SMAD6: variants seen among roughly 807,000 people sequenced by gnomAD.
The protein encoded by SMAD6 is SMAD family member 6, also known as MAD homolog 6.
SMAD6 carries 103 observed loss-of-function variants against 39.4 expected under a neutral mutation model. The observed-to-expected ratio is 2.62, with a 90% CI of 2.23 to 3.08. The LOEUF (loss-of-function observed/expected upper bound fraction) is 3.08, where lower values mean the gene tolerates loss of function less well. Ranked by LOEUF, SMAD6 falls within the 30% of genes most tolerant of loss-of-function variation. The pLI, the probability that SMAD6 is intolerant of heterozygous loss-of-function variation, is 0.00. For missense variants in SMAD6, 1,104 were observed against 742.9 expected (o/e 1.49, Z -5.65); for synonymous variants, 445 against 353.3 (o/e 1.26, Z -2.91).
Position 66,703,205 on chromosome 15 carries a change from C to T in SMAD6, c.-54C>T. 12 of 1,273,306 alleles carry T rather than the reference C, an allele frequency of 9.4e-6. No homozygotes were observed. The highest frequency in any genetic ancestry group is 3.0e-4 in the Middle Eastern group (1 of 3,346). The allele number at this position is 1,273,306 out of a possible 1,614,324, so 78.9% of individuals were successfully genotyped here. A position where few individuals can be genotyped will look rare whatever the true frequency, so the allele number is the denominator to read the frequency against. On this transcript the variant is annotated 5_prime_UTR_variant, in exon 1 of 4. Transcript: ENST00000288840. ...GCCGGCGCCTCGCTGAGGGAACGGA[C>T]CCCCGGTAACCGGAGACCGCCTCCC...
At chr15:66,760,507 G>GATT (rs1252303592) in intron 3 of SMAD6, among the ~76,000 whole-genome samples, 4 of 152,246 alleles carry the variant, frequency 2.6e-5, no homozygotes, top group Middle Eastern at 3.2e-3. Context: ...ACTCGTCAGT[G>GATT]ATTAGTACTT....
intron 3 of SMAD6, among the ~76,000 whole-genome samples, chr15:66,754,475 G>A (rs561188206): frequency 9.2e-5 from 14 of 152,310 alleles, no homozygotes; most frequent in African/African-American, 3.4e-4. Flanking sequence ...GTACCGGGCA[G>A]GAGCTCAGTG....
At chr15:66,752,306 G>A (rs924154927) in intron 3 of SMAD6, among the ~76,000 whole-genome samples, 2 of 152,196 alleles carry the variant, frequency 1.3e-5, no homozygotes, top group Non-Finnish European at 2.9e-5. Context: ...ATCCTCAGGG[G>A]AGAGCCCCGG....
intron 3 of SMAD6, among the ~76,000 whole-genome samples, chr15:66,765,437 A>G (rs1479363827): frequency 6.6e-6 from 1 of 152,090 alleles, no homozygotes; most frequent in Non-Finnish European, 1.5e-5. Flanking sequence ...GTTAGCCAGG[A>G]TGGTCTCTAT....
intron 1 of SMAD6, 100 bp downstream of exon 1, chr15:66,704,175 G>C: frequency 1.0e-6 from 1 of 997,052 alleles, no homozygotes; most frequent in African/African-American, 1.7e-5. Context: ...AGCTGCGGGT[G>C]CTCCCCCGGG....
intron 3 of SMAD6, among the ~76,000 whole-genome samples, chr15:66,737,637 TTC>T (rs1199916262): frequency 6.6e-6 from 1 of 151,972 alleles, no homozygotes; most frequent in Non-Finnish European, 1.5e-5. Context: ...GGCATATAAG[TTC>T]TGTTTGCCTG....
intron 3 of SMAD6, among the ~76,000 whole-genome samples, chr15:66,771,747 T>C (rs980826701): frequency 1.3e-5 from 2 of 152,212 alleles, no homozygotes; most frequent in African/African-American, 4.8e-5. Context: ...AAAAGGATCA[T>C]GAATGAAGCG....
intron 3 of SMAD6, among the ~76,000 whole-genome samples, chr15:66,748,026 T>C (rs530251087): frequency 6.6e-6 from 1 of 152,318 alleles, no homozygotes; most frequent in Admixed American, 6.5e-5. Context: ...CTTCCAATCA[T>C]GAGCCTCCCT....
intron 1 of SMAD6, among the ~76,000 whole-genome samples, chr15:66,708,966 T>C (rs922168841): frequency 2.6e-5 from 4 of 152,250 alleles, no homozygotes; most frequent in Admixed American, 6.5e-5. Flanking sequence ...TCACCTGATA[T>C]TGGTCTGTAA....
chr15:66,709,674 G>A (rs1893189597), intron 1 of SMAD6, among the ~76,000 whole-genome samples: 1 of 152,200 alleles, frequency 6.6e-6, no homozygotes, highest in Non-Finnish European at 1.5e-5. Context: ...AAGTTCATGG[G>A]GGTGGTGGAA....
chr15:66,729,729 G>A (rs1039612649), intron 3 of SMAD6, among the ~76,000 whole-genome samples: 2 of 152,204 alleles, frequency 1.3e-5, no homozygotes, highest in Non-Finnish European at 1.5e-5. Flanking sequence ...TGGGTTTGAG[G>A]TGTTTATAGG....
chr15:66,767,379 G>A (rs371167440), intron 3 of SMAD6, among the ~76,000 whole-genome samples: 105 of 152,256 alleles, frequency 6.9e-4, no homozygotes, highest in African/African-American at 2.5e-3. Context: ...TGGGTCCTGG[G>A]GTCTCTGTGG....
Position 66,702,245 on chromosome 15 carries a change from G to A in SMAD6, c.-1014G>A, listed in dbSNP as rs1164015323. The A allele has an allele frequency of 6.6e-6, 1 of 152,284 alleles. No homozygotes were observed. The highest frequency in any genetic ancestry group is 1.5e-5 in the Non-Finnish European group (1 of 68,090). 9.4% of individuals were successfully genotyped at this position (152,284 alleles called of 1,614,324 possible). On this transcript the variant is annotated 5_prime_UTR_variant, in exon 1 of 4. Transcript: ENST00000288840. Reference sequence around the variant, plus strand: ...AAGTGTCTAGACTGGCATATGATGGGAGGCAGCCAATGACTCCGCGGCGCT... The same window carrying A: ...AAGTGTCTAGACTGGCATATGATGGAAGGCAGCCAATGACTCCGCGGCGCT...
chr15:66,727,495 G>A (rs1893543086), intron 3 of SMAD6, among the ~76,000 whole-genome samples: 1 of 152,222 alleles, frequency 6.6e-6, no homozygotes, highest in Admixed American at 6.5e-5. Context: ...GTTTCACCAG[G>A]CTTAAGCAGG....
Position 66,702,895 on chromosome 15 carries a change from CACA to C in SMAD6, c.-361_-359del, listed in dbSNP as rs1432157044. ...GCGCTTTGTGCTCATGGACCAGCCG[CACA>C]ACTTTTGAAGGCTCGCCGGCCCATG... On this transcript the variant is annotated 5_prime_UTR_variant, in exon 1 of 4. Transcript: ENST00000288840. 5.0e-6 allele frequency: 1 copy of C among 200,560 alleles called. No individual in the cohort carries two copies. The highest frequency in any genetic ancestry group is 1.0e-5 in the Non-Finnish European group (1 of 100,174). 12.4% of individuals were successfully genotyped at this position (200,560 alleles called of 1,614,324 possible). A position where few individuals can be genotyped will look rare whatever the true frequency, so the allele number is the denominator to read the frequency against.
In SMAD6 at chr15:66,781,137, G is replaced by A. The variant is rs1176080464; in HGVS notation, c.1093G>A (p.Gly365Ser). 2.5e-6 allele frequency: 4 copies of A among 1,608,580 alleles called. No individual in the cohort carries two copies. Among genetic ancestry groups the A allele is most frequent in the South Asian group, 1.1e-5 (1 of 91,036 alleles). ...CTTCTACGACCTACCTCAGGGCAGC[G>A]GCTTCTGCCTGGGCCAGCTCAACCT... is the stretch of plus-strand genomic sequence containing the variant. Reference protein sequence around the residue: ...SIFYDLPQGSGFCLGQLNLEQ... With the variant: ...SIFYDLPQGSSFCLGQLNLEQ... The change falls in exon 4 of 4, where the codon GGC (glycine) becomes AGC (serine). Residue 365 changes from glycine (G) to serine (S), a missense_variant. Coordinates refer to ENST00000288840, the MANE Select transcript of SMAD6 (RefSeq NM_005585.5).
intron 3 of SMAD6, among the ~76,000 whole-genome samples, chr15:66,769,241 C>A (rs538621618): frequency 6.6e-6 from 1 of 152,188 alleles, no homozygotes; most frequent in Non-Finnish European, 1.5e-5. Flanking sequence ...AGGGCTGCTG[C>A]TCACAGAGGT....
rs1595805424 is a variant in SMAD6, at chr15:66,781,456, G to A, written c.1412G>A (p.Gly471Asp). 1 of 1,604,356 alleles carries A rather than the reference G, an allele frequency of 6.2e-7. No individual in the cohort carries two copies. The highest frequency in any genetic ancestry group is 1.1e-5 in the South Asian group (1 of 90,876). The change falls in exon 4 of 4, where the codon GGC (glycine) becomes GAC (aspartate). Residue 471 changes from glycine to aspartate, a missense_variant. Gly to Asp is a moderately conservative substitution (Grantham distance 94). Transcript: ENST00000288840. ...AGCGTCCGCATCAGCTTCGCCAAGG[G>A]CTGGGGGCCCTGCTACTCCCGGCAG... Reference protein sequence around the residue: ...PNSVRISFAKGWGPCYSRQFI... With the variant: ...PNSVRISFAKDWGPCYSRQFI...
At chr15:66,773,834 A>T (rs1194115003) in intron 3 of SMAD6, among the ~76,000 whole-genome samples, 2 of 152,118 alleles carry the variant, frequency 1.3e-5, no homozygotes, top group Non-Finnish European at 2.9e-5. Flanking sequence ...GGCTTCTGAG[A>T]CTTTGAATAT....
Sources: gnomAD v4.1 joint callset for allele counts (sites outside exome capture counted in the v4.1 genomes callset) on GRCh38, gnomAD v4.1.1 for gene constraint, MANE v1.5 for transcripts, NCBI Gene and HGNC (gene_info 2026-07-23, HGNC 2026-07-21) for gene names.